The following PYGB variants were observed in gnomAD, a reference collection of about 807,000 sequenced individuals.
PYGB encodes the protein glycogen phosphorylase B, also known as glycogen phosphorylase, brain form.
PYGB carries 82 observed loss-of-function variants against 94.3 expected under a neutral mutation model. The observed-to-expected ratio is 0.87, with a 90% CI of 0.73 to 1.04. PYGB has a LOEUF of 1.04. Ranked by LOEUF, PYGB falls within the 50% of genes least tolerant of loss-of-function variation. The pLI is 0.00. For synonymous variants in PYGB, 488 were observed against 479.1 expected (o/e 1.02, Z -0.24); for missense variants, 1,132 against 1,158.2 (o/e 0.98, Z 0.33).
chr20:25,277,644 G>A (rs1269944230), intron 7 of PYGB, among the ~76,000 whole-genome samples: 6 of 152,188 alleles, frequency 3.9e-5, no homozygotes, highest in African/African-American at 1.4e-4. Flanking sequence ...GCTGGAGCCC[G>A]TCAGCCCTCC....
chr20:25,289,471 C>T (rs1168950072), intron 15 of PYGB, among the ~76,000 whole-genome samples: 1 of 151,976 alleles, frequency 6.6e-6, no homozygotes, highest in African/African-American at 2.4e-5. Context: ...GTGGTGAAAC[C>T]CCATCTCTAC....
chr20:25,278,248 C>T (rs191873280), intron 7 of PYGB, 71 bp from the exon 8 acceptor site: 24 of 557,590 alleles, frequency 4.3e-5, no homozygotes, highest in East Asian at 3.0e-4. Flanking sequence ...TGAGCCAGGT[C>T]GCTGACCTGG....
At position 25,274,631 on chromosome 20, in the gene PYGB, T is replaced by C. The variant is rs763157593; in HGVS notation, c.568T>C (p.Trp190Arg). 1.9e-6 allele frequency: 3 copies of C among 1,613,842 alleles called. No homozygotes were observed. The South Asian group carries it at 3.3e-5, about 18-fold the overall frequency. Residue 190 changes from tryptophan to arginine, a missense_variant, in exon 5 of 20, where the codon TGG becomes CGG. Transcript: ENST00000216962. ...TGACTGGCTGCGCTACGGCAACCCC[T>C]GGGAGAAAGCGCGGCCTGAGTATAT... ...ADDWLRYGNP[W>R]EKARPEYMLP...
At chr20:25,289,099 G>A (rs1053081770) in intron 15 of PYGB, among the ~76,000 whole-genome samples, 7 of 152,312 alleles carry the variant, frequency 4.6e-5, no homozygotes, top group Middle Eastern at 6.8e-3. Context: ...CAAGGCCGGG[G>A]CCTGGGGGTG....
intron 1 of PYGB, among the ~76,000 whole-genome samples, chr20:25,249,732 C>T (rs1346850619): frequency 1.3e-5 from 2 of 151,996 alleles, no homozygotes; most frequent in South Asian, 2.1e-4. Flanking sequence ...GAAGTGGCAA[C>T]GAATGGCCAA....
chr20:25,255,625 T>C (rs1330341750), intron 1 of PYGB, among the ~76,000 whole-genome samples: 2 of 152,028 alleles, frequency 1.3e-5, no homozygotes, highest in Non-Finnish European at 2.9e-5. Flanking sequence ...CAGAATCGAA[T>C]ACACAAAAGG....
chr20:25,264,903 C>T (rs1408328329), intron 2 of PYGB, among the ~76,000 whole-genome samples: 1 of 152,192 alleles, frequency 6.6e-6, no homozygotes, highest in Non-Finnish European at 1.5e-5. Flanking sequence ...CAATGACTTT[C>T]TTCACAGAAC....
chr20:25,255,855 TTCC>T (rs1483190647), intron 1 of PYGB, among the ~76,000 whole-genome samples: 2 of 152,078 alleles, frequency 1.3e-5, no homozygotes, highest in Admixed American at 1.3e-4. Context: ...TGCCTCAGCC[TTCC>T]GAATAGGTGG....
intron 17 of PYGB, among the ~76,000 whole-genome samples, chr20:25,293,537 G>T (rs1392498172): frequency 6.6e-6 from 1 of 152,232 alleles, no homozygotes; most frequent in East Asian, 1.9e-4. Context: ...GAGGCCTTAA[G>T]TAGGGTCAGG....
At chr20:25,292,108 TGGTTTTGGGGAA>T (rs2088472880) in intron 16 of PYGB, among the ~76,000 whole-genome samples, 1 of 152,228 alleles carries the variant, frequency 6.6e-6, no homozygotes, top group African/African-American at 2.4e-5. Context: ...TGGCTAGGCC[TGGTTTTGGGGAA>T]GGTTTTGGTG....
rs1399315062 is a variant in PYGB at position 25,297,018 on chromosome 20, TG to T, written c.*498del. 6.1e-6 allele frequency: 1 copy of T among 164,512 alleles called. No homozygotes were observed. Among genetic ancestry groups the T allele is most frequent in the African/African-American group, 2.4e-5 (1 of 41,538 alleles). The allele number at this position is 164,512 out of a possible 1,614,324, so 10.2% of individuals were successfully genotyped here. ...AGTCATCCTGCCCAGCCCTGCCTCC[TG>T]GCCATGCCGGGAGGGGTCGGATCCT... On this transcript the variant is annotated 3_prime_UTR_variant, in exon 20 of 20. Coordinates refer to ENST00000216962, the MANE Select transcript of PYGB (RefSeq NM_002862.4).
At chr20:25,285,921 G>T (rs190018425) in intron 14 of PYGB, among the ~76,000 whole-genome samples, 11 of 152,304 alleles carry the variant, frequency 7.2e-5, no homozygotes, top group Non-Finnish European at 1.6e-4. Context: ...CAACCTTCCC[G>T]AGTTCTTGCT....
chr20:25,276,470 G>A (rs913356592), intron 5 of PYGB, among the ~76,000 whole-genome samples, 176 bp from the exon 6 acceptor site: 4 of 152,054 alleles, frequency 2.6e-5, no homozygotes, highest in African/African-American at 9.7e-5. Flanking sequence ...AGGGGAGGGC[G>A]TGGACGGAGA....
Position 25,248,102 on chromosome 20 carries a change from G to C in PYGB, c.-77G>C. The stretch of plus-strand genomic sequence containing the variant: ...CGGGCGCCAGAGCAGCGGCGCCAGA[G>C]CAGCTGCACCATCCCGGCGTTCGCG... On this transcript the variant is annotated 5_prime_UTR_variant, in exon 1 of 20. Transcript: ENST00000216962. The C allele has an allele frequency of 1.4e-6, 2 of 1,393,662 alleles. No homozygotes were observed. Among genetic ancestry groups the C allele is most frequent in the Non-Finnish European group, 1.9e-6 (2 of 1,071,108 alleles). The allele number at this position is 1,393,662 out of a possible 1,614,324, so 86.3% of individuals were successfully genotyped here.
intron 19 of PYGB, 111 bp from the exon 20 acceptor site, chr20:25,296,259 C>T: frequency 1.5e-6 from 2 of 1,348,758 alleles, no homozygotes; most frequent in Non-Finnish European, 2.1e-6. Flanking sequence ...CAGCGGATGG[C>T]CCCAAGGCTC....
chr20:25,261,552 A>G, intron 2 of PYGB, among the ~76,000 whole-genome samples: 1 of 152,254 alleles, frequency 6.6e-6, no homozygotes, highest in East Asian at 1.9e-4. Flanking sequence ...GAAAAGCTGA[A>G]AATTCTAAAA....
At position 25,259,304 on chromosome 20, in the gene PYGB, G is replaced by A. The variant is rs773404185; in HGVS notation, c.311G>A (p.Gly104Asp). 6.2e-7 allele frequency: 1 copy of A among 1,612,448 alleles called. No individual in the cohort carries two copies. The highest frequency in any genetic ancestry group is 8.5e-7 in the Non-Finnish European group (1 of 1,178,462). ...CTGCAGAACACGATGGTGAACCTGG[G>A]CCTTCAGAATGCCTGCGATGAAGCC... ...RTLQNTMVNL[G>D]LQNACDEAIY... is the part of the protein sequence containing the mutation. The change falls in exon 2 of 20, where the codon GGC becomes GAC. Residue 104 changes from glycine (G) to aspartate (D), a missense_variant. Physicochemically the swap from Gly to Asp is moderately conservative, Grantham distance 94. Coordinates refer to ENST00000216962, the MANE Select transcript of PYGB (RefSeq NM_002862.4).
chr20:25,248,399 A>G lies in PYGB; in HGVS notation c.221A>G (p.His74Arg), dbSNP rs1352822862. 5 of 1,565,478 alleles carry G rather than the reference A, an allele frequency of 3.2e-6. No individual in the cohort carries two copies. The highest frequency in any genetic ancestry group is 4.3e-6 in the Non-Finnish European group (5 of 1,156,430). Reference sequence around the variant, plus strand: ...GGCCGCTGGATCCGCACGCAGCAGCACTACTACGAGCGCGACCCCAAGGTG... The same window carrying G: ...GGCCGCTGGATCCGCACGCAGCAGCGCTACTACGAGCGCGACCCCAAGGTG... ...LVGRWIRTQQ[H>R]YYERDPKRIY... The change falls in exon 1 of 20, where the codon CAC (histidine) becomes CGC (arginine). Residue 74 changes from histidine (H) to arginine (R), a missense_variant. Coordinates refer to ENST00000216962, the MANE Select transcript of PYGB (RefSeq NM_002862.4).
In PYGB at chr20:25,271,407, C is replaced by T. The variant is rs756666114; in HGVS notation, c.449C>T (p.Thr150Ile). 1.2e-6 allele frequency: 2 copies of T among 1,614,100 alleles called. No individual in the cohort carries two copies. The highest frequency in any genetic ancestry group is 2.2e-5 in the East Asian group (1 of 44,886). Residue 150 changes from threonine to isoleucine, a missense_variant, in exon 4 of 20, where the codon ACC becomes ATC. By Grantham distance (89) the Thr-to-Ile change is moderately conservative. Transcript: ENST00000216962. ...GCGTGTTTCCTTGACTCAATGGCTA[C>T]CTTGGGCCTGGCAGCATACGGCTAT... ...LAACFLDSMA[T>I]LGLAAYGYGI...
Sources: allele counts gnomAD v4.1 joint callset (sites outside exome capture counted in the v4.1 genomes callset), GRCh38; gene constraint gnomAD v4.1.1; transcripts MANE v1.5; gene names NCBI Gene and HGNC (gene_info 2026-07-23, HGNC 2026-07-21).